Variants in IL12RB2 observed in about 807,000 individuals in gnomAD.
The protein encoded by IL12RB2 is interleukin 12 receptor subunit beta 2, also known as interleukin-12 receptor subunit beta-2.
IL12RB2 carries 82 observed loss-of-function variants against 89.4 expected under a neutral mutation model. That is an observed-to-expected ratio of 0.92 (90% CI 0.77 to 1.10). The LOEUF (loss-of-function observed/expected upper bound fraction) is 1.10. IL12RB2 is among the 50% of genes least tolerant of loss of function. IL12RB2 has a pLI of 0.00. For missense variants in IL12RB2, 963 were observed against 1,031.9 expected (o/e 0.93, Z 0.92); for synonymous variants, 368 against 370.1 (o/e 0.99, Z 0.07).
chr1:67,325,570 C>CT (rs770022373), intron 4 of IL12RB2, among the ~76,000 whole-genome samples: 1 of 152,154 alleles, frequency 6.6e-6, no homozygotes, highest in Admixed American at 6.5e-5. Context: ...CGAAAAGAGA[C>CT]TTTTTTAAAG....
chr1:67,326,302 T>C (rs180943368), intron 4 of IL12RB2, among the ~76,000 whole-genome samples: 5 of 152,306 alleles, frequency 3.3e-5, no homozygotes, highest in Admixed American at 6.5e-5. Flanking sequence ...TGTTCACCTG[T>C]CAGGGAAAAT....
At chr1:67,355,968 G>T (rs779669530) in intron 10 of IL12RB2, among the ~76,000 whole-genome samples, 1 of 152,164 alleles carries the variant, frequency 6.6e-6, no homozygotes, top group Non-Finnish European at 1.5e-5. Flanking sequence ...GGTTAGAAAG[G>T]CTCTTTGGCT....
chr1:67,368,881 A>G (rs999706977), intron 11 of IL12RB2, among the ~76,000 whole-genome samples: 10 of 152,342 alleles, frequency 6.6e-5, no homozygotes, highest in Admixed American at 6.5e-4. Flanking sequence ...GTTTTGAACA[A>G]TGCCTAATAT....
chr1:67,335,707 A>G (rs924209436), intron 8 of IL12RB2, among the ~76,000 whole-genome samples: 1 of 152,020 alleles, frequency 6.6e-6, no homozygotes, highest in African/African-American at 2.4e-5. Flanking sequence ...TAGAACTTTT[A>G]GTGACTCTGT....
At chr1:67,335,922 T>TTTG (rs1558312676) in intron 8 of IL12RB2, among the ~76,000 whole-genome samples, 6 of 152,210 alleles carry the variant, frequency 3.9e-5, no homozygotes, top group African/African-American at 1.4e-4. Flanking sequence ...GTGAAAAGAA[T>TTTG]ATAATTCTAG....
chr1:67,351,866 T>C (rs1471766722), intron 10 of IL12RB2, among the ~76,000 whole-genome samples: 3 of 152,160 alleles, frequency 2.0e-5, no homozygotes, highest in African/African-American at 7.2e-5. Context: ...TTGATATTAA[T>C]CCTATTTCTC....
intron 13 of IL12RB2, among the ~76,000 whole-genome samples, chr1:67,379,680 T>C (rs17129919): frequency 2.6e-4 from 39 of 151,704 alleles, no homozygotes; most frequent in Middle Eastern, 3.4e-3. Flanking sequence ...ATAACAAAAA[T>C]TTATTCAAAA....
At chr1:67,316,471 C>T (rs1459308590) in intron 2 of IL12RB2, among the ~76,000 whole-genome samples, 2 of 141,344 alleles carry the variant, frequency 1.4e-5, no homozygotes, top group African/African-American at 5.1e-5. Context: ...ACTCGTAGCT[C>T]GTTACACCCT....
At chr1:67,315,591 A>G (rs1655657189) in intron 2 of IL12RB2, among the ~76,000 whole-genome samples, 1 of 152,184 alleles carries the variant, frequency 6.6e-6, no homozygotes, top group African/African-American at 2.4e-5. Flanking sequence ...CATTAGATTA[A>G]CAGGAAAAAA....
intron 9 of IL12RB2, 58 bp downstream of exon 9, chr1:67,338,761 C>T (rs778022576): frequency 1.2e-6 from 1 of 844,658 alleles, no homozygotes; most frequent in South Asian, 1.3e-5. Flanking sequence ...CAGAAAAAGA[C>T]CTATTTGCAT....
intron 10 of IL12RB2, among the ~76,000 whole-genome samples, chr1:67,363,221 T>A (rs1195254188): frequency 2.1e-4 from 28 of 135,022 alleles, no homozygotes; most frequent in African/African-American, 5.6e-4. Context: ...ATTTTTTTTT[T>A]TTTTTTTTTT....
chr1:67,339,845 C>T (rs1255708773), intron 9 of IL12RB2, among the ~76,000 whole-genome samples: 6 of 152,186 alleles, frequency 3.9e-5, no homozygotes, highest in African/African-American at 4.8e-5. Flanking sequence ...ACTGCTGCAT[C>T]GTGACTCATC....
intron 14 of IL12RB2, among the ~76,000 whole-genome samples, chr1:67,382,570 A>G (rs1421893349): frequency 6.6e-6 from 1 of 152,174 alleles, no homozygotes; most frequent in Non-Finnish European, 1.5e-5. Context: ...TTATGGAGCA[A>G]GACCAGACTT....
At chr1:67,333,669 A>G (rs925611432) in intron 8 of IL12RB2, among the ~76,000 whole-genome samples, 6 of 152,232 alleles carry the variant, frequency 3.9e-5, no homozygotes, top group African/African-American at 1.4e-4. Context: ...TGTGTTTAAG[A>G]GAACAGTCTT....
At chr1:67,362,277 G>T (rs1410071204) in intron 10 of IL12RB2, among the ~76,000 whole-genome samples, 1 of 145,276 alleles carries the variant, frequency 6.9e-6, no homozygotes, top group East Asian at 2.1e-4. Flanking sequence ...TCTCAAAAAA[G>T]AAAAAGAGGC....
intron 7 of IL12RB2, among the ~76,000 whole-genome samples, chr1:67,330,310 A>G (rs1657894741): frequency 6.6e-6 from 1 of 151,990 alleles, no homozygotes; most frequent in Non-Finnish European, 1.5e-5. Context: ...TTGTGTTAAA[A>G]CATTCATCAC....
intron 14 of IL12RB2, among the ~76,000 whole-genome samples, chr1:67,385,438 G>A (rs1353662394): frequency 6.6e-6 from 1 of 152,126 alleles, no homozygotes; most frequent in Non-Finnish European, 1.5e-5. Context: ...CCACATGTGG[G>A]GATTATGGGA....
In IL12RB2 at chr1:67,320,024, G is replaced by A. The variant is rs542275735; in HGVS notation, c.-36-309G>A. Among the ~76,000 whole-genome samples, 3 of 152,222 alleles carry A rather than the reference G, an allele frequency of 2.0e-5. No homozygotes were observed. The East Asian group carries it at 5.8e-4, about 29-fold the overall frequency. The stretch of plus-strand genomic sequence containing the variant: ...AACTTGCCAGTCCCCAGAACTGTGA[G>A]AAACAAATTTCTGATGTTTATTACC... On this transcript the variant is annotated intron_variant, in intron 2 of 16. Transcript: ENST00000674203.
At chr1:67,323,610 C>A (rs1230693336) in intron 4 of IL12RB2, among the ~76,000 whole-genome samples, 1 of 152,160 alleles carries the variant, frequency 6.6e-6, no homozygotes, top group Non-Finnish European at 1.5e-5. Context: ...AAACTCTTTT[C>A]AACTTAGAAT....
Sources: gnomAD v4.1 joint callset for allele counts (sites outside exome capture counted in the v4.1 genomes callset) on GRCh38, gnomAD v4.1.1 for gene constraint, MANE v1.5 for transcripts, NCBI Gene and HGNC (gene_info 2026-07-23, HGNC 2026-07-21) for gene names.